NUP35: variants seen among roughly 807,000 people sequenced by gnomAD.
The protein encoded by NUP35 is nucleoporin NUP35.
In NUP35, 25 loss-of-function variants were observed where a neutral mutation model predicts 41.5. The ratio of observed to expected loss-of-function variants is 0.60; its 90% CI spans 0.44 to 0.84. NUP35 has a LOEUF of 0.84. Ranked by LOEUF, NUP35 falls within the 40% of genes least tolerant of loss-of-function variation. NUP35 has a pLI of 0.00. For missense variants in NUP35, 396 were observed against 396.6 expected (o/e 1.00, Z 0.01); for synonymous variants, 149 against 130.7 (o/e 1.14, Z -0.96).
chr2:183,140,331 A>G lies in NUP35; in HGVS notation c.397+6708A>G, dbSNP rs1320286812. 3.3e-5 allele frequency among the ~76,000 whole-genome samples: 5 copies of G among 151,922 alleles called. No individual in the cohort carries two copies. In the East Asian group the frequency reaches 9.7e-4, roughly 29 times the overall value. The stretch of plus-strand genomic sequence containing the variant: ...CCCCCAGTGTCCAGTGAGTGTTTCT[A>G]CATTATTATTTTCCTTTCCTCTTCC... On this transcript the variant is annotated intron_variant, in intron 4 of 8. Transcript: ENST00000295119.
intron 4 of NUP35, among the ~76,000 whole-genome samples, chr2:183,140,593 G>A (rs2675096): frequency 0.19 from 28,728 of 151,834 alleles, 3,611 homozygotes; most frequent in African/African-American, 0.34. Context: ...AGGCCAAGGC[G>A]GGTAGATCAC....
Position 183,160,805 on chromosome 2 carries a change from G to C in NUP35, c.904-249G>C, listed in dbSNP as rs188511685. On this transcript the variant is annotated intron_variant, in intron 8 of 8. Coordinates refer to ENST00000295119, the MANE Select transcript of NUP35 (RefSeq NM_138285.5). ...ATTTTAAAAATATACAATTCAGGCC[G>C]GGCGCAGGGGCTCATGCCTGTAATC... 2.3e-5 allele frequency: 6 copies of C among 264,578 alleles called. No homozygotes were observed. The East Asian group carries it at 4.3e-4, about 19-fold the overall frequency. 16.4% of individuals were successfully genotyped at this position (264,578 alleles called of 1,614,324 possible).
intron 3 of NUP35, among the ~76,000 whole-genome samples, chr2:183,130,784 G>A (rs78432199): frequency 8.5e-5 from 13 of 152,138 alleles, no homozygotes; most frequent in African/African-American, 2.7e-4. Context: ...TTATAGGTAT[G>A]CCTTATCCAC....
intron 4 of NUP35, among the ~76,000 whole-genome samples, chr2:183,145,257 T>C (rs1685241102): frequency 6.6e-6 from 1 of 152,222 alleles, no homozygotes; most frequent in Non-Finnish European, 1.5e-5. Flanking sequence ...ATCAGACTTA[T>C]TTTAGAAATG....
At position 183,161,422 on chromosome 2, in the gene NUP35, A is replaced by G. The variant is rs1285620044; in HGVS notation, c.*291A>G. On this transcript the variant is annotated 3_prime_UTR_variant, in exon 9 of 9. Coordinates refer to ENST00000295119, the MANE Select transcript of NUP35 (RefSeq NM_138285.5). Reference sequence around the variant, plus strand: ...AGCATTGATTATTGTAAATTAAATAACTGAAATTGTGGTGAGACGTCATAG... The same window carrying G: ...AGCATTGATTATTGTAAATTAAATAGCTGAAATTGTGGTGAGACGTCATAG... The G allele has an allele frequency of 4.9e-6, 1 of 203,786 alleles. No individual in the cohort carries two copies. Among genetic ancestry groups the G allele is most frequent in the Non-Finnish European group, 9.8e-6 (1 of 102,116 alleles). The allele number at this position is 203,786 out of a possible 1,614,324, so 12.6% of individuals were successfully genotyped here. A position where few individuals can be genotyped will look rare whatever the true frequency, so the allele number is the denominator to read the frequency against.
chr2:183,161,339 C>G lies in NUP35; in HGVS notation c.*208C>G. 2.6e-6 allele frequency: 1 copy of G among 380,070 alleles called. No individual in the cohort carries two copies. Among genetic ancestry groups the G allele is most frequent in the Non-Finnish European group, 4.9e-6 (1 of 204,360 alleles). 23.5% of individuals were successfully genotyped at this position (380,070 alleles called of 1,614,324 possible). A position where few individuals can be genotyped will look rare whatever the true frequency, so the allele number is the denominator to read the frequency against. On this transcript the variant is annotated 3_prime_UTR_variant, in exon 9 of 9. Transcript: ENST00000295119. ...ATACATTTTAAAGAAAACTAAAAAT[C>G]CCTGTAAATAGGATTTTGTGCTTTC...
intron 4 of NUP35, among the ~76,000 whole-genome samples, chr2:183,134,618 T>C (rs1684813110): frequency 6.6e-6 from 1 of 151,488 alleles, no homozygotes; most frequent in Admixed American, 6.6e-5. Flanking sequence ...AAAAATCTAT[T>C]TTTCTTTTTT....
At chr2:183,122,367 T>C (rs950802590), upstream of NUP35, among the ~76,000 whole-genome samples, 4 of 152,138 alleles carry the variant, frequency 2.6e-5, no homozygotes, top group African/African-American at 9.7e-5. Flanking sequence ...TGAGCCACCA[T>C]GCCCGGCTGG....
intron 4 of NUP35, among the ~76,000 whole-genome samples, chr2:183,138,269 A>ATTTTT (rs147315571): frequency 2.2e-4 from 18 of 80,684 alleles, no homozygotes; most frequent in South Asian, 1.9e-3. Flanking sequence ...ATATATATAT[A>ATTTTT]TTTTTTTTTT....
At chr2:183,155,579 C>CTT (rs11393018) in intron 5 of NUP35, among the ~76,000 whole-genome samples, 4,745 of 139,644 alleles carry the variant, frequency 0.034, 133 homozygotes, top group South Asian at 0.05. Flanking sequence ...CATAAAATGG[C>CTT]TTTTTTTTTT....
chr2:183,146,257 A>G (rs74548607), intron 4 of NUP35, among the ~76,000 whole-genome samples: 8,202 of 152,166 alleles, frequency 0.054, 285 homozygotes, highest in Middle Eastern at 0.082. Flanking sequence ...TATTTCAAAA[A>G]TCTTACTTCT....
rs530598923 is a variant in NUP35, at chr2:183,154,572, C to T, written c.540-2872C>T. Among the ~76,000 whole-genome samples the T allele has an allele frequency of 2.6e-4, 40 of 152,210 alleles. 1 individual carries two copies. In the South Asian group the frequency reaches 7.9e-3, roughly 30 times the overall value. The stretch of plus-strand genomic sequence containing the variant: ...TAACAAGAGTCACCTTTGCTCCAGT[C>T]GCCAACAAGTTCCTCATCTCCATCT... On this transcript the variant is annotated intron_variant, in intron 5 of 8. Transcript: ENST00000295119.
intron 1 of NUP35, among the ~76,000 whole-genome samples, chr2:183,127,278 ATT>A (rs55711123): frequency 3.5e-5 from 5 of 144,656 alleles, no homozygotes; most frequent in Middle Eastern, 3.6e-3. Flanking sequence ...TGATTCTTTA[ATT>A]TTTTTTTTTT....
At chr2:183,123,475 C>T (rs1322087128), upstream of NUP35, among the ~76,000 whole-genome samples, 1 of 152,146 alleles carries the variant, frequency 6.6e-6, no homozygotes, top group Admixed American at 6.6e-5. Flanking sequence ...TGTGAACCTA[C>T]CATTTAATTC....
upstream of NUP35, among the ~76,000 whole-genome samples, chr2:183,121,915 T>TTTATTATTATTATTATTAGTATTA (rs1700073082): frequency 6.9e-6 from 1 of 145,322 alleles, no homozygotes; most frequent in Admixed American, 6.9e-5. Flanking sequence ...GGCCATTCTT[T>TTTATTATTATTATTATTAGTATTA]TTATTATTAT....
chr2:183,157,588 G>C (rs1685714521), intron 6 of NUP35, 75 bp downstream of exon 6: 4 of 1,001,914 alleles, frequency 4.0e-6, no homozygotes, highest in Non-Finnish European at 6.1e-6. Flanking sequence ...AACTGCTTCT[G>C]AATTTTGTGG....
Position 183,133,602 on chromosome 2 carries a change from G to A in NUP35, c.376G>A (p.Val126Ile). 6.3e-7 allele frequency: 1 copy of A among 1,588,154 alleles called. No homozygotes were observed. Among genetic ancestry groups the A allele is most frequent in the Non-Finnish European group, 8.5e-7 (1 of 1,169,856 alleles). ...ISVMQSPLVG[V>I]TSTPGTGQSM... ...AGTAATGCAGAGTCCTCTTGTTGGA[G>A]TTACATCTACTCCTGGAACAGGTAA... Residue 126 changes from valine to isoleucine, a missense_variant, in exon 4 of 9, where the codon GTT becomes ATT. Transcript: ENST00000295119.
intron 4 of NUP35, among the ~76,000 whole-genome samples, chr2:183,144,589 A>G (rs914238039): frequency 5.0e-5 from 6 of 121,138 alleles, no homozygotes; most frequent in African/African-American, 1.7e-4. Flanking sequence ...CATAAAGGGT[A>G]ATAAGGTCTT....
At chr2:183,135,704 C>G (rs1559146006) in intron 4 of NUP35, among the ~76,000 whole-genome samples, 3 of 151,936 alleles carry the variant, frequency 2.0e-5, no homozygotes, top group Admixed American at 1.3e-4. Context: ...AATAGCAAGA[C>G]AGTAGATTTT....
Sources: gnomAD v4.1 joint callset for allele counts (sites outside exome capture counted in the v4.1 genomes callset) on GRCh38, gnomAD v4.1.1 for gene constraint, MANE v1.5 for transcripts, NCBI Gene and HGNC (gene_info 2026-07-23, HGNC 2026-07-21) for gene names.